FBXL7: variants seen among roughly 807,000 people sequenced by gnomAD.
FBXL7 encodes F-box/LRR-repeat protein 7.
In FBXL7, 12 loss-of-function variants were observed where a neutral mutation model predicts 38.3. The ratio of observed to expected loss-of-function variants is 0.31; its 90% CI spans 0.20 to 0.51. The LOEUF is 0.51. Among genes scored for constraint, FBXL7 ranks in the 20% least tolerant of loss-of-function variants. The probability of loss-of-function intolerance (pLI) is 0.98; values close to 1 mark genes in which losing one functional copy is unlikely to be tolerated. For missense variants in FBXL7, 567 were observed against 676.4 expected, an observed-to-expected ratio of 0.84 and a Z score of 1.79; for synonymous variants, 297 against 300.9, an observed-to-expected ratio of 0.99 and a Z score of 0.13.
At chr5:15,811,327 T>C (rs1171688498) in intron 2 of FBXL7, among the ~76,000 whole-genome samples, 2 of 152,148 alleles carry the variant, frequency 1.3e-5, no homozygotes, top group Non-Finnish European at 2.9e-5. Flanking sequence ...AAGTCCAAGA[T>C]GAAGGTGTCA....
chr5:15,553,080 CAAA>C (rs755924778), intron 1 of FBXL7, among the ~76,000 whole-genome samples: 1 of 124,082 alleles, frequency 8.1e-6, no homozygotes. Context: ...GACTCCATGT[CAAA>C]AAAAAAAAAC....
intron 1 of FBXL7, among the ~76,000 whole-genome samples, chr5:15,552,323 C>T (rs1738098382): frequency 6.6e-6 from 1 of 152,184 alleles, no homozygotes; most frequent in Non-Finnish European, 1.5e-5. Flanking sequence ...GGCTCATACT[C>T]CTCTGTGCCA....
intron 2 of FBXL7, among the ~76,000 whole-genome samples, chr5:15,925,995 G>A: frequency 6.6e-6 from 1 of 152,136 alleles, no homozygotes; most frequent in East Asian, 1.9e-4. Context: ...AAATGACTTT[G>A]TTACTGTAGG....
chr5:15,611,512 G>C (rs986503172), intron 1 of FBXL7, among the ~76,000 whole-genome samples: 1 of 152,044 alleles, frequency 6.6e-6, no homozygotes, highest in Non-Finnish European at 1.5e-5. Flanking sequence ...TCAATAATAT[G>C]TATTAAATAA....
chr5:15,609,745 C>CCGGCAGCCCTGAGCTGGACTGTGCTAT (rs1740163370), intron 1 of FBXL7, among the ~76,000 whole-genome samples: 2 of 152,012 alleles, frequency 1.3e-5, no homozygotes, highest in Non-Finnish European at 2.9e-5. Flanking sequence ...GACTGTGCTA[C>CCGGCAGCCCTGAGCTGGACTGTGCTAT]CCGGCAGCTT....
rs1231320906 is a variant in FBXL7 at position 15,691,199 on chromosome 5, A to G, written c.127+75127A>G. On this transcript the variant is annotated intron_variant, in intron 2 of 3. Coordinates refer to ENST00000504595, the MANE Select transcript of FBXL7 (RefSeq NM_012304.5). ...GGCACTGGAGTGCACATCCCGCTTG[A>G]TGGGCAGGTTTCCCCACCACCTTTC... Among the ~76,000 whole-genome samples, 3 of 152,286 alleles carry G rather than the reference A, an allele frequency of 2.0e-5. No individual in the cohort carries two copies. In the South Asian group the frequency reaches 6.2e-4, roughly 32 times the overall value.
intron 2 of FBXL7, among the ~76,000 whole-genome samples, chr5:15,805,926 T>C (rs1403095693): frequency 5.3e-5 from 8 of 152,196 alleles, no homozygotes; most frequent in Admixed American, 2.6e-4. Flanking sequence ...TCTCAGGCTA[T>C]GAATAAAGAG....
At chr5:15,568,156 C>T (rs1205740259) in intron 1 of FBXL7, among the ~76,000 whole-genome samples, 2 of 151,888 alleles carry the variant, frequency 1.3e-5, no homozygotes, top group Non-Finnish European at 2.9e-5. Flanking sequence ...GTTCTAGATC[C>T]CTGAGGAATC....
chr5:15,572,965 G>A lies in FBXL7; in HGVS notation c.38-43018G>A, dbSNP rs146425573. ...TAAGCGTAGAATTTTTCTTTGTTGG[G>A]AGGAGAATCAGGAAGGTTTTCAGGG... On this transcript the variant is annotated intron_variant, in intron 1 of 3. Coordinates refer to ENST00000504595, the MANE Select transcript of FBXL7 (RefSeq NM_012304.5). Among the ~76,000 whole-genome samples the A allele has an allele frequency of 9.9e-5, 15 of 152,218 alleles. No individual in the cohort carries two copies. The East Asian group carries it at 2.9e-3, about 29-fold the overall frequency.
At chr5:15,712,851 CCAGACTAATAGCCCACCAA>C (rs1743920164) in intron 2 of FBXL7, among the ~76,000 whole-genome samples, 1 of 152,100 alleles carries the variant, frequency 6.6e-6, no homozygotes, top group South Asian at 2.1e-4. Context: ...TAAAACTTGA[CCAGACTAATAGCCCACCAA>C]CAGAGCTGTG....
At chr5:15,705,108 G>A (rs1433992000) in intron 2 of FBXL7, among the ~76,000 whole-genome samples, 1 of 152,100 alleles carries the variant, frequency 6.6e-6, no homozygotes, top group Non-Finnish European at 1.5e-5. Context: ...TGATTTAAAG[G>A]AGCAATGCAG....
At chr5:15,639,634 C>T (rs1310352732) in intron 2 of FBXL7, among the ~76,000 whole-genome samples, 7 of 151,914 alleles carry the variant, frequency 4.6e-5, no homozygotes, top group Non-Finnish European at 1.0e-4. Flanking sequence ...CTAATACAGA[C>T]ATATACAAAA....
At position 15,876,402 on chromosome 5, in the gene FBXL7, T is replaced by TA. The variant is rs1010750697; in HGVS notation, c.128-51478dup. Reference sequence around the variant, plus strand: ...GTCCCAGAACTTAAAGTATAATAATTAAAAAAAAAAGGTGTTCCCATTATT... The same window carrying TA: ...GTCCCAGAACTTAAAGTATAATAATTAAAAAAAAAAAGGTGTTCCCATTATT... On this transcript the variant is annotated intron_variant, in intron 2 of 3. Transcript: ENST00000504595. Among the ~76,000 whole-genome samples the TA allele has an allele frequency of 8.6e-4, 127 of 147,800 alleles. 1 individual carries two copies. The highest frequency in any genetic ancestry group is 3.5e-3 in the Middle Eastern group (1 of 286).
At chr5:15,687,803 A>C (rs1388131849) in intron 2 of FBXL7, among the ~76,000 whole-genome samples, 3 of 152,220 alleles carry the variant, frequency 2.0e-5, no homozygotes, top group Admixed American at 6.5e-5. Flanking sequence ...ACCCGTGTCT[A>C]TGTAAATAGG....
intron 2 of FBXL7, among the ~76,000 whole-genome samples, chr5:15,921,897 A>C (rs1459612175): frequency 6.6e-6 from 1 of 152,178 alleles, no homozygotes; most frequent in Non-Finnish European, 1.5e-5. Context: ...AGATTGTTGC[A>C]ACCATTATGG....
chr5:15,703,671 A>G (rs538131450), intron 2 of FBXL7, among the ~76,000 whole-genome samples: 1 of 152,304 alleles, frequency 6.6e-6, no homozygotes, highest in South Asian at 2.1e-4. Flanking sequence ...GAAGTCAGAA[A>G]AGTTTTGGTA....
chr5:15,612,255 G>T (rs950848418), intron 1 of FBXL7, among the ~76,000 whole-genome samples: 7 of 151,894 alleles, frequency 4.6e-5, no homozygotes, highest in Admixed American at 4.6e-4. Context: ...TTCCTTGGAG[G>T]GTAAAATAAT....
intron 2 of FBXL7, among the ~76,000 whole-genome samples, chr5:15,905,031 C>T (rs1402610189): frequency 6.6e-6 from 1 of 152,192 alleles, no homozygotes; most frequent in African/African-American, 2.4e-5. Context: ...GCCTGTGCTT[C>T]TCTGCACTAC....
At chr5:15,713,767 G>A (rs1743954185) in intron 2 of FBXL7, among the ~76,000 whole-genome samples, 1 of 152,178 alleles carries the variant, frequency 6.6e-6, no homozygotes, top group Non-Finnish European at 1.5e-5. Flanking sequence ...AGACAGCAGT[G>A]CACAATAATG....
Sources: allele counts gnomAD v4.1 joint callset (sites outside exome capture counted in the v4.1 genomes callset), GRCh38; gene constraint gnomAD v4.1.1; transcripts MANE v1.5; gene names NCBI Gene and HGNC (gene_info 2026-07-23, HGNC 2026-07-21).